POLR2B: variants seen among roughly 807,000 people sequenced by gnomAD.
POLR2B encodes RNA polymerase II subunit B, also known as DNA-directed RNA polymerase II subunit RPB2.
In POLR2B, 57 loss-of-function variants were observed where a neutral mutation model predicts 144.6. That is an observed-to-expected ratio of 0.39 (90% CI 0.32 to 0.49). The LOEUF is 0.49. POLR2B is among the 20% of genes least tolerant of loss of function. The pLI, the probability that POLR2B is intolerant of heterozygous loss-of-function variation, is 0.83. For missense variants in POLR2B, 595 were observed against 1,467.4 expected (o/e 0.41, Z 9.71); for synonymous variants, 442 against 469.8 (o/e 0.94, Z 0.77).
At chr4:57,008,332 A>G (rs1292165399) in intron 10 of POLR2B, among the ~76,000 whole-genome samples, 1 of 151,904 alleles carries the variant, frequency 6.6e-6, no homozygotes, top group African/African-American at 2.4e-5. Flanking sequence ...CCTCCCGAGT[A>G]GCTGGGACTA....
rs1204952766 is a variant in POLR2B, at chr4:56,978,921, C to A, written c.-65C>A. The A allele has an allele frequency of 3.3e-6, 5 of 1,506,432 alleles. No homozygotes were observed. Among genetic ancestry groups the A allele is most frequent in the Admixed American group, 1.7e-5 (1 of 59,872 alleles). The allele number at this position is 1,506,432 out of a possible 1,614,324, so 93.3% of individuals were successfully genotyped here. ...ACTTCGTCTTTAGCTCCTGGCGCTG[C>A]TGGCTTCTGGGCGGTTTTTGTCTTT... is the stretch of plus-strand genomic sequence containing the variant. On this transcript the variant is annotated 5_prime_UTR_variant, in exon 1 of 25. In the 5' UTR this introduces an upstream ATG that the reference lacks. Coordinates refer to ENST00000314595, the MANE Select transcript of POLR2B (RefSeq NM_000938.3).
intron 1 of POLR2B, among the ~76,000 whole-genome samples, chr4:56,984,668 G>C (rs886064433): frequency 6.6e-6 from 1 of 152,086 alleles, no homozygotes; most frequent in Non-Finnish European, 1.5e-5. Context: ...CTTCCCTCAG[G>C]TGTAGGGATT....
intron 6 of POLR2B, among the ~76,000 whole-genome samples, chr4:56,996,284 T>C (rs1368853916): frequency 1.8e-5 from 2 of 111,170 alleles, no homozygotes; most frequent in African/African-American, 3.3e-5. Context: ...ATATATTTTT[T>C]TTTTTTTTTT....
At chr4:56,996,276 A>ATTTTTTTTT (rs1560474600) in intron 6 of POLR2B, among the ~76,000 whole-genome samples, 1 of 85,570 alleles carries the variant, frequency 1.2e-5, no homozygotes, top group African/African-American at 4.4e-5. Context: ...ATATATATAT[A>ATTTTTTTTT]TATTTTTTTT....
chr4:57,013,989 A>G (rs1723284115), intron 13 of POLR2B, among the ~76,000 whole-genome samples: 1 of 151,472 alleles, frequency 6.6e-6, no homozygotes, highest in Non-Finnish European at 1.5e-5. Flanking sequence ...ATAGAGCTGT[A>G]TTCTGTTAGG....
intron 13 of POLR2B, among the ~76,000 whole-genome samples, chr4:57,015,083 G>GGT (rs3841981): frequency 0.19 from 28,394 of 151,954 alleles, 3,378 homozygotes; most frequent in Middle Eastern, 0.34. Flanking sequence ...CTGATAGGTG[G>GGT]GTGTGAGAAG....
In POLR2B at chr4:57,025,360, A is replaced by G. The variant is rs1387476167; in HGVS notation, c.3079-17A>G. ...TTAATTTTTAGGTCTACACTTCAAA[A>G]TCTGTGTTTGTTGCAGGTCCTGTAC... On this transcript the variant is annotated splice_polypyrimidine_tract_variant and intron_variant, in intron 22 of 24. Transcript: ENST00000314595. The G allele has an allele frequency of 6.2e-7, 1 of 1,601,102 alleles. No homozygotes were observed. The highest frequency in any genetic ancestry group is 8.6e-7 in the Non-Finnish European group (1 of 1,168,584).
chr4:56,998,022 C>T (rs1214558200), intron 6 of POLR2B, among the ~76,000 whole-genome samples: 1 of 151,874 alleles, frequency 6.6e-6, no homozygotes, highest in Non-Finnish European at 1.5e-5. Flanking sequence ...TAATTAGAGA[C>T]AGAGAAAGGA....
chr4:56,996,901 A>G (rs1722707234), intron 6 of POLR2B, among the ~76,000 whole-genome samples: 1 of 151,998 alleles, frequency 6.6e-6, no homozygotes, highest in Admixed American at 6.6e-5. Flanking sequence ...CCTGGGCAAC[A>G]TGGCAAAACA....
At chr4:57,013,546 T>C (rs1723267332) in intron 13 of POLR2B, among the ~76,000 whole-genome samples, 1 of 65,388 alleles carries the variant, frequency 1.5e-5, no homozygotes, top group South Asian at 6.0e-4. Flanking sequence ...TATTTTTTTT[T>C]CTTTTTTTTT....
chr4:56,997,329 G>A (rs1379385196), intron 6 of POLR2B, among the ~76,000 whole-genome samples: 1 of 151,686 alleles, frequency 6.6e-6, no homozygotes, highest in Non-Finnish European at 1.5e-5. Flanking sequence ...CGCGATCTGG[G>A]CTCACTGCAA....
At position 57,010,876 on chromosome 4, in the gene POLR2B, A is replaced by T. The variant is rs371810125; in HGVS notation, c.1677A>T (p.Ala559=). 1 of 1,609,542 alleles carries T rather than the reference A, an allele frequency of 6.2e-7. No homozygotes were observed. The highest frequency in any genetic ancestry group is 8.5e-7 in the Non-Finnish European group (1 of 1,176,508). ...AAAATTTAGAAGAAATTTCTCCTGC[A>T]GCTATTGCTGAGTGTGTATAGATGG... is the stretch of plus-strand genomic sequence containing the variant. ...SMENLEEISP[A]AIADATKIFV... is the part of the protein sequence containing the mutation. The change falls in exon 12 of 25, where the codon GCA becomes GCT. Residue 559 remains alanine, a synonymous_variant. Coordinates refer to ENST00000314595, the MANE Select transcript of POLR2B (RefSeq NM_000938.3).
At chr4:56,982,268 G>A (rs1034254722) in intron 1 of POLR2B, among the ~76,000 whole-genome samples, 3 of 151,794 alleles carry the variant, frequency 2.0e-5, no homozygotes, top group East Asian at 1.9e-4. Context: ...TCTCTGTCTC[G>A]GTGAAGGGCA....
intron 3 of POLR2B, among the ~76,000 whole-genome samples, chr4:56,993,620 T>C (rs1356883959): frequency 6.6e-6 from 1 of 152,236 alleles, no homozygotes; most frequent in African/African-American, 2.4e-5. Context: ...TCTTGTTTTA[T>C]TAGGCAGCAA....
chr4:57,027,868 A>G (rs994968911), intron 23 of POLR2B, among the ~76,000 whole-genome samples: 2 of 152,244 alleles, frequency 1.3e-5, no homozygotes, highest in Non-Finnish European at 2.9e-5. Context: ...AAAAAATTGC[A>G]TTTGTTAATA....
Position 57,017,379 on chromosome 4 carries a change from A to T in POLR2B, c.2154+138A>T, listed in dbSNP as rs908636430. 18 of 788,164 alleles carry T rather than the reference A, an allele frequency of 2.3e-5. No homozygotes were observed. The African/African-American group carries it at 2.9e-4, about 13-fold the overall frequency. The allele number at this position is 788,164 out of a possible 1,614,324, so 48.8% of individuals were successfully genotyped here. ...AACTCCTACGGAATCAGTATTTGAT[A>T]TAATTGCTGTTGTGTTTCATGGTTA... On this transcript the variant is annotated intron_variant, in intron 15 of 24. Transcript: ENST00000314595. This position sits in a 1 kb window ranked among gnomAD's most constrained non-coding sequence, Gnocchi z 4.8.
chr4:56,991,871 C>T (rs1051166840), intron 3 of POLR2B, among the ~76,000 whole-genome samples: 5 of 151,920 alleles, frequency 3.3e-5, no homozygotes, highest in African/African-American at 7.3e-5. Flanking sequence ...TTGGCCAGGC[C>T]GATCTCCAAC....
rs1723875167 is a variant in POLR2B at position 57,030,376 on chromosome 4, A to G, written c.3412A>G (p.Arg1138Gly). 6.2e-7 allele frequency: 1 copy of G among 1,611,976 alleles called. No homozygotes were observed. Among genetic ancestry groups the G allele is most frequent in the Non-Finnish European group, 8.5e-7 (1 of 1,178,640 alleles). The change falls in exon 24 of 25, where the codon AGG becomes GGG. Residue 1138 changes from arginine (R) to glycine (G), a missense_variant. Physicochemically the swap from Arg to Gly is moderately radical, Grantham distance 125. Around this residue, in one of 9 missense-constraint regions of POLR2B, gnomAD observed 45 missense variants for 80.9 expected, o/e 0.56. Coordinates refer to ENST00000314595, the MANE Select transcript of POLR2B (RefSeq NM_000938.3). ...ANTRTHTYEC[R>G]GCRNKTQISL... ...CACCAGGACCCATACATATGAATGC[A>G]GGGGCTGCCGCAATAAAACCCAGGT... is the stretch of plus-strand genomic sequence containing the variant.
In POLR2B at chr4:57,024,936, T is replaced by C; in HGVS notation, c.3015T>C (p.Ala1005=). ...GTGATGCCACTCCATTTAATGATGCTGTTAACGTGCAGAAGATTTCTAATC... is the reference window on the plus strand; with the variant it reads ...GTGATGCCACTCCATTTAATGATGCCGTTAACGTGCAGAAGATTTCTAATC... ...EIGDATPFND[A]VNVQKISNLL... The change falls in exon 22 of 25, where the codon GCT becomes GCC. Residue 1005 remains alanine (A), a synonymous_variant. Coordinates refer to ENST00000314595, the MANE Select transcript of POLR2B (RefSeq NM_000938.3). 1 of 1,603,268 alleles carries C rather than the reference T, an allele frequency of 6.2e-7. No homozygotes were observed. Among genetic ancestry groups the C allele is most frequent in the Non-Finnish European group, 8.5e-7 (1 of 1,172,756 alleles).
Sources: gnomAD v4.1 joint callset for allele counts (sites outside exome capture counted in the v4.1 genomes callset) on GRCh38, gnomAD v4.1.1 for gene constraint, gnomAD v4.1.1 regional missense constraint, Gnocchi (gnomAD v3.1) non-coding constraint, MANE v1.5 for transcripts, NCBI Gene and HGNC (gene_info 2026-07-23, HGNC 2026-07-21) for gene names.